PDPK1: variants seen among roughly 807,000 people sequenced by gnomAD.
The protein encoded by PDPK1 is 3-phosphoinositide-dependent protein kinase 1.
In PDPK1, 7 loss-of-function variants were observed where a neutral mutation model predicts 39.8. That is an observed-to-expected ratio of 0.18 (90% CI 0.10 to 0.33). The LOEUF (loss-of-function observed/expected upper bound fraction) is 0.33, where lower values mean the gene tolerates loss of function less well. Among genes scored for constraint, PDPK1 ranks in the 10% least tolerant of loss-of-function variants. PDPK1 has a pLI of 1.00. For synonymous variants in PDPK1, 118 were observed against 159.1 expected, an observed-to-expected ratio of 0.74 and a Z score of 1.95; for missense variants, 182 against 384.7, an observed-to-expected ratio of 0.47 and a Z score of 4.41.
rs1321327951 is a variant in PDPK1, at chr16:2,602,441, A to G, written c.*4674A>G. On this transcript the variant is annotated 3_prime_UTR_variant, in exon 14 of 14. Transcript: ENST00000342085. ...ACGTGTGTACCTGAATTTTCCCCGT[A>G]ACTCATTTCTTCCATATGAAGAAAC... 2 of 235,328 alleles carry G rather than the reference A, an allele frequency of 8.5e-6. No homozygotes were observed. The highest frequency in any genetic ancestry group is 4.4e-5 in the African/African-American group (2 of 45,360). 14.6% of individuals were successfully genotyped at this position (235,328 alleles called of 1,614,324 possible). A position where few individuals can be genotyped will look rare whatever the true frequency, so the allele number is the denominator to read the frequency against.
At position 2,597,968 on chromosome 16, in the gene PDPK1, A is replaced by C; in HGVS notation, c.*201A>C. ...AAGAACAAAACCAGTAACAAACACA[A>C]AGGAATTCAGGGTCGCTTTGCTTGC... On this transcript the variant is annotated 3_prime_UTR_variant, in exon 14 of 14. Coordinates refer to ENST00000342085, the MANE Select transcript of PDPK1 (RefSeq NM_002613.5). The surrounding 1 kb of genome is among the most constrained non-coding windows in gnomAD (Gnocchi z 6.3). 1 of 573,928 alleles carries C rather than the reference A, an allele frequency of 1.7e-6. No homozygotes were observed. Among genetic ancestry groups the C allele is most frequent in the Non-Finnish European group, 3.1e-6 (1 of 322,472 alleles). The allele number at this position is 573,928 out of a possible 1,614,324, so 35.6% of individuals were successfully genotyped here.
chr16:2,540,712 G>T lies in PDPK1; in HGVS notation c.24+2576G>T, dbSNP rs2066229202. ...ACCCCGGGGCCTGTTTCAGCCTCCT[G>T]CTGTCAGAAAGCAGCTGTTTGGGAA... On this transcript the variant is annotated intron_variant, in intron 1 of 13. Transcript: ENST00000342085. Among the ~76,000 whole-genome samples, 3 of 152,336 alleles carry T rather than the reference G, an allele frequency of 2.0e-5. No homozygotes were observed. In the South Asian group the frequency reaches 6.2e-4, roughly 32 times the overall value.
rs1255192086 is a variant in PDPK1 at position 2,538,051 on chromosome 16, C to T, written c.-62C>T. Reference sequence around the variant, plus strand: ...TGGGGCTCCGCTTCGGGGAGGAGGACGCTGAGGAGGCGCCGAGCCGCGCAG... The same window carrying T: ...TGGGGCTCCGCTTCGGGGAGGAGGATGCTGAGGAGGCGCCGAGCCGCGCAG... On this transcript the variant is annotated 5_prime_UTR_variant, in exon 1 of 14. In the 5' UTR this introduces an upstream ATG that the reference lacks. Transcript: ENST00000342085. 2 of 821,130 alleles carry T rather than the reference C, an allele frequency of 2.4e-6. No homozygotes were observed. Among genetic ancestry groups the T allele is most frequent in the Non-Finnish European group, 3.0e-6 (2 of 670,950 alleles). 50.9% of individuals were successfully genotyped at this position (821,130 alleles called of 1,614,324 possible).
intron 6 of PDPK1, chr16:2,569,497 G>C (rs1202442202): frequency 6.7e-6 from 1 of 149,120 alleles, no homozygotes; most frequent in African/African-American, 2.4e-5. Flanking sequence ...GCAAGAGCCT[G>C]CCTCTGGAAA....
At chr16:2,551,730 A>G (rs568578236) in intron 1 of PDPK1, among the ~76,000 whole-genome samples, 1 of 148,150 alleles carries the variant, frequency 6.7e-6, no homozygotes, top group Non-Finnish European at 1.5e-5. Flanking sequence ...GCGGTGACGC[A>G]ATCTCTGCTC....
intron 1 of PDPK1, among the ~76,000 whole-genome samples, chr16:2,545,748 C>T (rs182496933): frequency 6.6e-6 from 1 of 152,276 alleles, no homozygotes; most frequent in East Asian, 1.9e-4. Context: ...CCGCCTTGGC[C>T]TCCCAAAGCG....
intron 1 of PDPK1, chr16:2,538,759 G>A (rs1274313388): frequency 7.8e-7 from 1 of 1,285,768 alleles, no homozygotes; most frequent in Non-Finnish European, 1.0e-6. Flanking sequence ...CGAGGGGAAA[G>A]TGAGCTTGAC....
chr16:2,595,695 C>T, intron 11 of PDPK1, 98 bp from the exon 12 acceptor site: 2 of 938,018 alleles, frequency 2.1e-6, no homozygotes, highest in South Asian at 1.3e-5. Flanking sequence ...CTGTGAGGGG[C>T]AGGCCGAGGC....
At chr16:2,595,075 G>A (rs2067073254) in intron 11 of PDPK1, among the ~76,000 whole-genome samples, 1 of 152,180 alleles carries the variant, frequency 6.6e-6, no homozygotes, top group Non-Finnish European at 1.5e-5. Context: ...GTGAGCTATG[G>A]TGGCGCCACT....
At position 2,602,799 on chromosome 16, in the gene PDPK1, AAAC is replaced by A. The variant is rs1414550899; in HGVS notation, c.*5035_*5037del. The A allele has an allele frequency of 8.5e-6, 2 of 234,252 alleles. No homozygotes were observed. Among genetic ancestry groups the A allele is most frequent in the Non-Finnish European group, 1.7e-5 (2 of 117,854 alleles). 14.5% of individuals were successfully genotyped at this position (234,252 alleles called of 1,614,324 possible). A position where few individuals can be genotyped will look rare whatever the true frequency, so the allele number is the denominator to read the frequency against. On this transcript the variant is annotated 3_prime_UTR_variant, in exon 14 of 14. Coordinates refer to ENST00000342085, the MANE Select transcript of PDPK1 (RefSeq NM_002613.5). ...AAGCAAAAATTAAAAGAACTTATGA[AAAC>A]AAATGCAATGATACTAGGATATACA...
intron 11 of PDPK1, chr16:2,592,702 T>G: frequency 2.3e-6 from 1 of 428,504 alleles, no homozygotes; most frequent in Admixed American, 2.7e-5. Context: ...AGGTGATTCC[T>G]GGAAGTGCTC....
intron 1 of PDPK1, chr16:2,538,658 G>T: frequency 7.8e-7 from 1 of 1,288,988 alleles, no homozygotes; most frequent in Non-Finnish European, 1.0e-6. Context: ...GCCTTTCACG[G>T]CCCGGCCAAG....
intron 1 of PDPK1, chr16:2,556,864 CA>C (rs2066505881): frequency 8.8e-6 from 1 of 113,902 alleles, no homozygotes; most frequent in African/African-American, 3.9e-5. Flanking sequence ...GGCACAGACG[CA>C]GGGGGAGACC....
rs1049002282 is a variant in PDPK1 at position 2,592,280 on chromosome 16, TG to T, written c.1344-3509del. ...CCCTGCATCCTCCTCTGTGCAGAGG[TG>T]GGGAGAGGTGTCGCCTGTTTTGAGG... On this transcript the variant is annotated intron_variant, in intron 11 of 13. Transcript: ENST00000342085. Among the ~76,000 whole-genome samples, 12 of 152,024 alleles carry T rather than the reference TG, an allele frequency of 7.9e-5. 1 individual carries two copies. The highest frequency in any genetic ancestry group is 4.1e-4 in the South Asian group (2 of 4,832).
chr16:2,545,565 G>T (rs2066327211), intron 1 of PDPK1, among the ~76,000 whole-genome samples: 1 of 152,034 alleles, frequency 6.6e-6, no homozygotes, highest in African/African-American at 2.4e-5. Flanking sequence ...TGTGATGTCG[G>T]CTCACTGTAA....
Position 2,597,537 on chromosome 16 carries a change from C to A in PDPK1, c.1555-114C>A. On this transcript the variant is annotated intron_variant, in intron 13 of 13. Coordinates refer to ENST00000342085, the MANE Select transcript of PDPK1 (RefSeq NM_002613.5). The surrounding 1 kb of genome is among the most constrained non-coding windows in gnomAD (Gnocchi z 6.3). ...GCTTACTGCTTGTGTGAATAACCGT[C>A]ACACCCACGTGCTTTCAGGACTCGG... 1.2e-6 allele frequency: 1 copy of A among 803,722 alleles called. No individual in the cohort carries two copies. The highest frequency in any genetic ancestry group is 2.2e-6 in the Non-Finnish European group (1 of 457,020). The allele number at this position is 803,722 out of a possible 1,614,324, so 49.8% of individuals were successfully genotyped here. A position where few individuals can be genotyped will look rare whatever the true frequency, so the allele number is the denominator to read the frequency against.
At chr16:2,587,731 C>G (rs2066906286) in intron 11 of PDPK1, among the ~76,000 whole-genome samples, 1 of 152,092 alleles carries the variant, frequency 6.6e-6, no homozygotes, top group Non-Finnish European at 1.5e-5. Flanking sequence ...GCTGGTGCCT[C>G]TTTTTAACAT....
intron 10 of PDPK1, among the ~76,000 whole-genome samples, chr16:2,586,225 C>CA (rs2066871986): frequency 6.6e-6 from 1 of 152,244 alleles, no homozygotes; most frequent in Non-Finnish European, 1.5e-5. Flanking sequence ...ACCACAGACT[C>CA]AGACTCCTAA....
At chr16:2,555,769 CTGCTCT>C in intron 1 of PDPK1, 1 of 40,358 alleles carries the variant, frequency 2.5e-5, no homozygotes, top group East Asian at 1.3e-3. Context: ...GTGATCCTCC[CTGCTCT>C]TGCAGTGCCA....
Sources: allele counts gnomAD v4.1 joint callset (sites outside exome capture counted in the v4.1 genomes callset), GRCh38; gene constraint gnomAD v4.1.1; non-coding constraint Gnocchi (gnomAD v3.1); transcripts MANE v1.5; gene names NCBI Gene and HGNC (gene_info 2026-07-23, HGNC 2026-07-21).